Variants in SHQ1 observed in about 807,000 individuals in gnomAD.
SHQ1 encodes SHQ1, H/ACA ribonucleoprotein assembly factor, also known as protein SHQ1 homolog.
SHQ1 carries 49 observed loss-of-function variants against 53.8 expected under a neutral mutation model. That is an observed-to-expected ratio of 0.91 (90% confidence interval 0.72 to 1.16). The LOEUF (loss-of-function observed/expected upper bound fraction) is 1.16. Among genes scored for constraint, SHQ1 ranks in the 50% most tolerant of loss-of-function variants. SHQ1 has a pLI of 0.00. For synonymous variants in SHQ1, 243 were observed against 251.0 expected (o/e 0.97, Z 0.30); for missense variants, 738 against 683.1 (o/e 1.08, Z -0.90).
At chr3:72,816,421 A>G (rs1707318376) in intron 7 of SHQ1, among the ~76,000 whole-genome samples, 1 of 152,182 alleles carries the variant, frequency 6.6e-6, no homozygotes, top group African/African-American at 2.4e-5. Flanking sequence ...GTGTAATTCA[A>G]AAAAGGAAAG....
chr3:72,794,135 T>A (rs974186217), intron 9 of SHQ1: 1 of 152,200 alleles, frequency 6.6e-6, no homozygotes, highest in African/African-American at 2.4e-5. Context: ...TTCATTCTTA[T>A]CTTTACAGTT....
chr3:72,749,963 C>G lies in SHQ1; in HGVS notation c.*321G>C, dbSNP rs1170371135. On this transcript the variant is annotated 3_prime_UTR_variant, in exon 11 of 11. Coordinates refer to ENST00000325599, the MANE Select transcript of SHQ1 (RefSeq NM_018130.3). ...GGTGCAGTATTTGCATATAACCTACCCACATCCTCCTGCACAGTTTAAATC... is the reference window on the plus strand; with the variant it reads ...GGTGCAGTATTTGCATATAACCTACGCACATCCTCCTGCACAGTTTAAATC... The G allele has an allele frequency of 7.0e-6, 2 of 285,222 alleles. No individual in the cohort carries two copies. The highest frequency in any genetic ancestry group is 9.7e-5 in the Admixed American group (2 of 20,572). 17.7% of individuals were successfully genotyped at this position (285,222 alleles called of 1,614,324 possible). A position where few individuals can be genotyped will look rare whatever the true frequency, so the allele number is the denominator to read the frequency against.
chr3:72,778,360 G>C (rs1706000669), intron 10 of SHQ1, among the ~76,000 whole-genome samples: 3 of 151,926 alleles, frequency 2.0e-5, no homozygotes, highest in African/African-American at 4.8e-5. Flanking sequence ...GAGATGGCAG[G>C]ATCACTTGAG....
Position 72,832,389 on chromosome 3 carries a change from C to T in SHQ1, c.579G>A (p.Lys193=), listed in dbSNP as rs908345169. Residue 193 remains lysine (K), a synonymous_variant, in exon 5 of 11, where the codon AAG becomes AAA. Coordinates refer to ENST00000325599, the MANE Select transcript of SHQ1 (RefSeq NM_018130.3). ...RQKRLAAELA[K]FDPDHYLADF... ...CTCACAGATAATGATCAGGATCAAACTTGGCCAGCTCAGCGGCCAGGCGCT... is the reference window on the plus strand; with the variant it reads ...CTCACAGATAATGATCAGGATCAAATTTGGCCAGCTCAGCGGCCAGGCGCT... 9.3e-6 allele frequency: 15 copies of T among 1,611,980 alleles called. No homozygotes were observed. The highest frequency in any genetic ancestry group is 8.9e-5 in the East Asian group (4 of 44,864).
Position 72,752,389 on chromosome 3 carries a change from G to A in SHQ1, c.1182-1553C>T, listed in dbSNP as rs569011984. Among the ~76,000 whole-genome samples, 8 of 152,234 alleles carry A rather than the reference G, an allele frequency of 5.3e-5. No homozygotes were observed. In the South Asian group the frequency reaches 8.3e-4, roughly 16 times the overall value. ...GGATGACACAGGATGATGGCGTGACGGAGCCTTTTCACTGCCTATTGTTTT... is the reference window on the plus strand; with the variant it reads ...GGATGACACAGGATGATGGCGTGACAGAGCCTTTTCACTGCCTATTGTTTT... On this transcript the variant is annotated intron_variant, in intron 10 of 10. Transcript: ENST00000325599.
chr3:72,829,099 T>C (rs893410421), intron 5 of SHQ1, among the ~76,000 whole-genome samples: 16 of 151,288 alleles, frequency 1.1e-4, no homozygotes, highest in African/African-American at 3.6e-4. Context: ...ATTGATTGAA[T>C]GTGTGGGATA....
At chr3:72,734,917 G>T in the SHQ1 span, among the ~76,000 whole-genome samples, 1 of 151,448 alleles carries the variant, frequency 6.6e-6, no homozygotes, top group Admixed American at 6.6e-5. Context: ...CATTTGTGCC[G>T]GCCATGATCC....
At position 72,827,555 on chromosome 3, in the gene SHQ1, T is replaced by C. The variant is rs539002001; in HGVS notation, c.600-3004A>G. Among the ~76,000 whole-genome samples, 28 of 152,114 alleles carry C rather than the reference T, an allele frequency of 1.8e-4. 1 individual carries two copies. In the South Asian group the frequency reaches 5.8e-3, roughly 32 times the overall value. Reference sequence around the variant, plus strand: ...CATCCCCCTCCCCACCAAAAACACCTCCAAAATGTTTGATTATTTTGAGTA... The same window carrying C: ...CATCCCCCTCCCCACCAAAAACACCCCCAAAATGTTTGATTATTTTGAGTA... On this transcript the variant is annotated intron_variant, in intron 5 of 10. Coordinates refer to ENST00000325599, the MANE Select transcript of SHQ1 (RefSeq NM_018130.3).
In SHQ1 at chr3:72,824,460, C is replaced by G. The variant is rs368699997; in HGVS notation, c.691G>C (p.Glu231Gln). The change falls in exon 6 of 11, where the codon GAA becomes CAA. Residue 231 changes from glutamate (E) to glutamine (Q), a missense_variant. Glu to Gln is a conservative substitution (Grantham distance 29). Transcript: ENST00000325599. ...TGATTTTCTTGTTCCTGACTCTTTT[C>G]CAAAAAGGCCATCATTTTTGAATAT... is the stretch of plus-strand genomic sequence containing the variant. ...DKYSKMMAFL[E>Q]KSQEQENHAT... 1.6e-4 allele frequency: 265 copies of G among 1,612,332 alleles called. 4 individuals carry two copies. The South Asian group carries it at 2.7e-3, about 17-fold the overall frequency.
At position 72,792,994 on chromosome 3, in the gene SHQ1, A is replaced by C; in HGVS notation, c.1103T>G (p.Ile368Ser). Residue 368 changes from isoleucine to serine, a missense_variant, in exon 10 of 11, where the codon ATT becomes AGT. Ile to Ser is a moderately radical substitution (Grantham distance 142). Coordinates refer to ENST00000325599, the MANE Select transcript of SHQ1 (RefSeq NM_018130.3). Reference sequence around the variant, plus strand: ...GTACGCTGGGTCATTTTCCTGAAAAATTTTGTGAATATCCAGGAGACACTT... The same window carrying C: ...GTACGCTGGGTCATTTTCCTGAAAACTTTTGTGAATATCCAGGAGACACTT... ...VLKCLLDIHK[I>S]FQENDPAYIL... The C allele has an allele frequency of 6.2e-7, 1 of 1,612,142 alleles. No homozygotes were observed. Among genetic ancestry groups the C allele is most frequent in the Admixed American group, 1.7e-5 (1 of 59,972 alleles).
At chr3:72,806,083 C>A (rs1347477966) in intron 9 of SHQ1, among the ~76,000 whole-genome samples, 1 of 152,034 alleles carries the variant, frequency 6.6e-6, no homozygotes, top group Non-Finnish European at 1.5e-5. Flanking sequence ...AAGTATAAAC[C>A]CGCAAATGCT....
chr3:72,812,247 C>T (rs1707147302), intron 9 of SHQ1, among the ~76,000 whole-genome samples: 1 of 152,186 alleles, frequency 6.6e-6, no homozygotes, highest in Non-Finnish European at 1.5e-5. Context: ...TTTTCACTCT[C>T]TTTGGAATTG....
chr3:72,740,143 C>G, the SHQ1 span, among the ~76,000 whole-genome samples: 1 of 152,188 alleles, frequency 6.6e-6, no homozygotes, highest in South Asian at 2.1e-4. Context: ...CAAAGTCCCC[C>G]TGACCTTGCC....
chr3:72,811,954 A>G (rs948025936), intron 9 of SHQ1, among the ~76,000 whole-genome samples: 1 of 152,250 alleles, frequency 6.6e-6, no homozygotes, highest in Non-Finnish European at 1.5e-5. Context: ...TAAATGTGCC[A>G]GAACTAATAC....
At chr3:72,753,481 A>C in intron 10 of SHQ1, 1 of 985,226 alleles carries the variant, frequency 1.0e-6, no homozygotes, top group Non-Finnish European at 1.2e-6. Context: ...CCCACCCCCC[A>C]CAACCCCTGC....
Position 72,817,315 on chromosome 3 carries a change from C to G in SHQ1, c.797G>C (p.Arg266Thr), listed in dbSNP as rs1483257759. The G allele has an allele frequency of 6.2e-7, 1 of 1,613,758 alleles. No individual in the cohort carries two copies. The highest frequency in any genetic ancestry group is 8.5e-7 in the Non-Finnish European group (1 of 1,179,804). Residue 266 changes from arginine to threonine, a missense_variant, in exon 7 of 11, where the codon AGA becomes ACA. Arg to Thr is a moderately conservative substitution (Grantham distance 71). Transcript: ENST00000325599. ...ACTGTAGCACACTTGACGACAGGCT[C>G]TCTTGTCCAGCAGATAAGATTTATT... ...FVNKSYLLDKRACRQVCYSLI... is the reference protein window; with the variant it reads ...FVNKSYLLDKTACRQVCYSLI...
chr3:72,800,248 C>G (rs1320271655), intron 9 of SHQ1, among the ~76,000 whole-genome samples: 2 of 152,178 alleles, frequency 1.3e-5, no homozygotes, highest in African/African-American at 4.8e-5. Flanking sequence ...GCCTCCAGAA[C>G]CATGAGCCAA....
At chr3:72,731,574 G>A in the SHQ1 span, among the ~76,000 whole-genome samples, 1 of 150,888 alleles carries the variant, frequency 6.6e-6, no homozygotes, top group Non-Finnish European at 1.5e-5. Context: ...TGTAATCCCA[G>A]CTACTTGGGA....
At chr3:72,732,219 T>C in the SHQ1 span, among the ~76,000 whole-genome samples, 1 of 151,530 alleles carries the variant, frequency 6.6e-6, no homozygotes, top group Admixed American at 6.6e-5. Context: ...AGGCCTGGCT[T>C]GGAGGTGCCC....
Sources: gnomAD v4.1 joint callset for allele counts (sites outside exome capture counted in the v4.1 genomes callset) on GRCh38, gnomAD v4.1.1 for gene constraint, MANE v1.5 for transcripts, NCBI Gene and HGNC (gene_info 2026-07-23, HGNC 2026-07-21) for gene names.